The following TSHZ2 variants were observed in gnomAD, a reference collection of about 807,000 sequenced individuals.
TSHZ2 encodes teashirt homolog 2.
In TSHZ2, 21 loss-of-function variants were observed where a neutral mutation model predicts 74.4. That is an observed-to-expected ratio of 0.28 (90% CI 0.20 to 0.41). The LOEUF (loss-of-function observed/expected upper bound fraction) is 0.41, where lower values mean the gene tolerates loss of function less well. TSHZ2 is among the 10% of genes least tolerant of loss of function. TSHZ2 has a pLI of 1.00. For synonymous variants in TSHZ2, 540 were observed against 515.3 expected (o/e 1.05, Z -0.65); for missense variants, 1,244 against 1,293.5 (o/e 0.96, Z 0.59).
At chr20:53,413,220 C>A (rs1389844756) in intron 2 of TSHZ2, among the ~76,000 whole-genome samples, 1 of 152,218 alleles carries the variant, frequency 6.6e-6, no homozygotes, top group Non-Finnish European at 1.5e-5. Flanking sequence ...TCCCGCTGAT[C>A]GGTGGCTGAC....
chr20:53,488,848 AAAC>A lies in TSHZ2; in HGVS notation c.*1714_*1716del. On this transcript the variant is annotated 3_prime_UTR_variant, in exon 3 of 3. Transcript: ENST00000371497. The stretch of plus-strand genomic sequence containing the variant: ...CAACATTGGGATTAAAAAAAAAAAA[AAAC>A]TTCTTATTTACCTCCTAGGGAAAGT... The A allele has an allele frequency of 5.8e-6, 2 of 343,068 alleles. No homozygotes were observed. Among genetic ancestry groups the A allele is most frequent in the Non-Finnish European group, 1.1e-5 (2 of 175,180 alleles). The allele number at this position is 343,068 out of a possible 1,614,324, so 21.3% of individuals were successfully genotyped here.
chr20:53,132,184 G>A (rs548211791), intron 1 of TSHZ2, among the ~76,000 whole-genome samples: 1 of 152,260 alleles, frequency 6.6e-6, no homozygotes, highest in African/African-American at 2.4e-5. Context: ...CCTAGGTTCT[G>A]AGAGAGGGTT....
At chr20:53,393,129 A>G (rs1982321827) in intron 2 of TSHZ2, among the ~76,000 whole-genome samples, 1 of 152,008 alleles carries the variant, frequency 6.6e-6, no homozygotes, top group Admixed American at 6.5e-5. Context: ...CACCTGGCCC[A>G]ATAGGTAGTT....
intron 2 of TSHZ2, among the ~76,000 whole-genome samples, chr20:53,352,462 G>A (rs754226501): frequency 6.6e-5 from 10 of 152,076 alleles, no homozygotes; most frequent in Middle Eastern, 3.4e-3. Context: ...TCATCAAAGG[G>A]ATTTGAAGCC....
intron 2 of TSHZ2, among the ~76,000 whole-genome samples, chr20:53,349,651 CAA>C (rs559107005): frequency 4.3e-4 from 57 of 133,320 alleles, no homozygotes; most frequent in Middle Eastern, 4.3e-3. Flanking sequence ...GACCCCACCT[CAA>C]AAAAAAAAAA....
At chr20:53,486,551 G>A (rs760447291) in intron 2 of TSHZ2, among the ~76,000 whole-genome samples, 1 of 151,974 alleles carries the variant, frequency 6.6e-6, no homozygotes, top group Non-Finnish European at 1.5e-5. Context: ...ATGATGGAGT[G>A]TGCCTGCGGT....
chr20:53,185,750 T>C, intron 1 of TSHZ2: 1 of 1,527,064 alleles, frequency 6.5e-7, no homozygotes, highest in Non-Finnish European at 8.8e-7. Flanking sequence ...GGATGTTCAG[T>C]TGCCCTTCAA....
chr20:53,293,692 C>T (rs573477957), intron 2 of TSHZ2, among the ~76,000 whole-genome samples: 87 of 122,434 alleles, frequency 7.1e-4, no homozygotes, highest in African/African-American at 2.8e-3. Context: ...ATTTTAACAA[C>T]TGGCTCTCAA....
intron 1 of TSHZ2, among the ~76,000 whole-genome samples, chr20:53,120,728 C>T (rs930914859): frequency 2.0e-5 from 3 of 152,162 alleles, no homozygotes; most frequent in Non-Finnish European, 2.9e-5. Flanking sequence ...AGACAGGACC[C>T]CTGGTGATAT....
chr20:53,230,656 G>A (rs1440605191), intron 1 of TSHZ2, among the ~76,000 whole-genome samples: 1 of 152,210 alleles, frequency 6.6e-6, no homozygotes, highest in Non-Finnish European at 1.5e-5. Flanking sequence ...ACTTTGGGAG[G>A]CTGAGGCAGG....
chr20:53,251,252 C>T (rs1401770891), intron 1 of TSHZ2, among the ~76,000 whole-genome samples: 1 of 152,174 alleles, frequency 6.6e-6, no homozygotes, highest in Non-Finnish European at 1.5e-5. Context: ...AGTAATAGCA[C>T]CCCTTCATTC....
chr20:53,395,752 A>G (rs968640479), intron 2 of TSHZ2, among the ~76,000 whole-genome samples: 3 of 152,162 alleles, frequency 2.0e-5, no homozygotes, highest in Admixed American at 6.5e-5. Flanking sequence ...CAGACGTGCC[A>G]TTGACTAATT....
chr20:52,973,059 C>A lies in TSHZ2; in HGVS notation c.-235C>A. 2 of 491,042 alleles carry A rather than the reference C, an allele frequency of 4.1e-6. No individual in the cohort carries two copies. Among genetic ancestry groups the A allele is most frequent in the South Asian group, 3.9e-5 (1 of 25,742 alleles). 30.4% of individuals were successfully genotyped at this position (491,042 alleles called of 1,614,324 possible). ...AAACAAACAAACAAGGCAGAACCAA[C>A]CTCTACTTCAAAGCAGCCGGCACAA... On this transcript the variant is annotated 5_prime_UTR_variant, in exon 1 of 3. Transcript: ENST00000371497.
At chr20:53,160,428 A>G (rs550847525) in intron 1 of TSHZ2, among the ~76,000 whole-genome samples, 5 of 152,116 alleles carry the variant, frequency 3.3e-5, no homozygotes, top group African/African-American at 7.2e-5. Flanking sequence ...AGGCATTTAC[A>G]GTATTGCTGG....
chr20:53,172,714 G>A (rs913490674), intron 1 of TSHZ2, among the ~76,000 whole-genome samples: 3 of 152,190 alleles, frequency 2.0e-5, no homozygotes, highest in Non-Finnish European at 4.4e-5. Context: ...GAGGCACAGA[G>A]CATTCTGGTA....
At chr20:53,297,248 C>CTTT (rs35627909) in intron 2 of TSHZ2, among the ~76,000 whole-genome samples, 110 of 121,084 alleles carry the variant, frequency 9.1e-4, no homozygotes, top group African/African-American at 2.2e-3. Context: ...ATCTCAGAAT[C>CTTT]TTTTTTTTTT....
chr20:53,472,080 C>CA (rs1472642859), intron 2 of TSHZ2, among the ~76,000 whole-genome samples: 1 of 152,160 alleles, frequency 6.6e-6, no homozygotes, highest in Non-Finnish European at 1.5e-5. Flanking sequence ...GCTGGGACTA[C>CA]AGGTGTGAGC....
intron 1 of TSHZ2, among the ~76,000 whole-genome samples, chr20:53,102,883 ATTATAC>A (rs141655957): frequency 1.9e-4 from 21 of 113,370 alleles, no homozygotes; most frequent in Admixed American, 5.5e-4. Context: ...TTTTTTTTTT[ATTATAC>A]TTTAAGTTTT....
In TSHZ2 at chr20:53,255,044, A is replaced by G. The variant is rs1186712719; in HGVS notation, c.1586A>G (p.Asn529Ser). Residue 529 changes from asparagine to serine, a missense_variant, in exon 2 of 3, where the codon AAC becomes AGC. Asn to Ser is a conservative substitution (Grantham distance 46). Coordinates refer to ENST00000371497, the MANE Select transcript of TSHZ2 (RefSeq NM_173485.6). This position sits in a 1 kb window ranked among gnomAD's most constrained non-coding sequence, Gnocchi z 4.1. ...SLENTVTTAI[N>S]KAQNGAPSWS... ...GAAAATACTGTCACCACAGCCATCA[A>G]CAAAGCCCAAAACGGGGCCCCCAGC... The G allele has an allele frequency of 5.6e-6, 9 of 1,614,082 alleles. No individual in the cohort carries two copies. The East Asian group carries it at 1.3e-4, about 24-fold the overall frequency.
Sources: gnomAD v4.1 joint callset for allele counts (sites outside exome capture counted in the v4.1 genomes callset) on GRCh38, gnomAD v4.1.1 for gene constraint, Gnocchi (gnomAD v3.1) non-coding constraint, MANE v1.5 for transcripts, NCBI Gene and HGNC (gene_info 2026-07-23, HGNC 2026-07-21) for gene names.